The following KALRN variants were observed in gnomAD, a reference collection of about 807,000 sequenced individuals.
KALRN encodes the protein kalirin.
A neutral mutation model predicts 353.7 loss-of-function variants in KALRN; 70 were observed. That is an observed-to-expected ratio of 0.20 (90% CI 0.16 to 0.24). KALRN has a LOEUF of 0.24. KALRN is among the 10% of genes least tolerant of loss of function. KALRN has a pLI of 1.00. For synonymous variants in KALRN, 1,391 were observed against 1,434.8 expected, an observed-to-expected ratio of 0.97 and a Z score of 0.69; for missense variants, 2,791 against 3,756.7, an observed-to-expected ratio of 0.74 and a Z score of 6.72.
At position 124,264,561 on chromosome 3, in the gene KALRN, C is replaced by T. The variant is rs748748909; in HGVS notation, c.327C>T (p.Leu109=). ...IIDMRGSKWD[L]IKPLLKTLQE... ...ACATGCGGGGCTCCAAGTGGGACCT[C>T]ATCAAGCCCCTCCTCAAAACGCTGC... Residue 109 remains leucine, a synonymous_variant, in exon 4 of 60, where the codon CTC becomes CTT. Coordinates refer to ENST00000682506, the MANE Select transcript of KALRN (RefSeq NM_001388419.1). 11 of 1,614,054 alleles carry T rather than the reference C, an allele frequency of 6.8e-6. No homozygotes were observed. Among genetic ancestry groups the T allele is most frequent in the Non-Finnish European group, 8.5e-6 (10 of 1,180,012 alleles).
chr3:124,704,185 T>C (rs7636897), intron 57 of KALRN, among the ~76,000 whole-genome samples: 5,748 of 152,288 alleles, frequency 0.038, 148 homozygotes, highest in African/African-American at 0.069. Context: ...CTTTATTATA[T>C]TGAAATTTGT....
chr3:124,168,120 A>G (rs1226897608), intron 1 of KALRN, among the ~76,000 whole-genome samples: 1 of 152,240 alleles, frequency 6.6e-6, no homozygotes, highest in Non-Finnish European at 1.5e-5. Context: ...GTGGAGAGGT[A>G]CAAAACAACT....
chr3:124,580,490 T>A lies in KALRN; in HGVS notation c.5182+17401T>A, dbSNP rs138774370. Among the ~76,000 whole-genome samples the A allele has an allele frequency of 2.6e-4, 39 of 152,332 alleles. No individual in the cohort carries two copies. The East Asian group carries it at 3.7e-3, about 14-fold the overall frequency. On this transcript the variant is annotated intron_variant, in intron 34 of 59. Transcript: ENST00000682506. ...CTCCTGATTCTTATCAGCACCAATG[T>A]TTTAAAATCATATTCTCCACCATCC...
intron 51 of KALRN, among the ~76,000 whole-genome samples, chr3:124,680,947 C>G (rs1264031748): frequency 1.3e-5 from 2 of 152,192 alleles, no homozygotes; most frequent in Non-Finnish European, 2.9e-5. Flanking sequence ...CACCAGCTCT[C>G]CTGGAGTTCA....
intron 5 of KALRN, among the ~76,000 whole-genome samples, chr3:124,286,082 C>CCTTTCTTTCTTTCTTTCTTTCTTTCT (rs2075818015): frequency 1.1e-4 from 11 of 102,156 alleles, no homozygotes; most frequent in African/African-American, 3.8e-4. Flanking sequence ...TTCTTTCCTT[C>CCTTTCTTTCTTTCTTTCTTTCTTTCT]CTTTCTTTCT....
At chr3:124,375,427 C>T (rs1481004903) in intron 10 of KALRN, among the ~76,000 whole-genome samples, 1 of 152,198 alleles carries the variant, frequency 6.6e-6, no homozygotes, top group Non-Finnish European at 1.5e-5. Flanking sequence ...ATTCTAAGTG[C>T]TAGTCCTGGC....
Position 124,649,790 on chromosome 3 carries a change from AATAGATAGATAGATAG to A in KALRN, c.5665-986_5665-971del, listed in dbSNP as rs57296265. On this transcript the variant is annotated intron_variant, in intron 37 of 59. Coordinates refer to ENST00000682506, the MANE Select transcript of KALRN (RefSeq NM_001388419.1). ...GCAATAGAGTGAGACCCTGTCTCAAAATAGATAGATAGATAGATAGATAGATAGATAGATAGATAGA... is the reference window on the plus strand; with the variant it reads ...GCAATAGAGTGAGACCCTGTCTCAAAATAGATAGATAGATAGATAGATAGA... 1.1e-3 allele frequency among the ~76,000 whole-genome samples: 142 copies of A among 132,838 alleles called. 1 individual carries two copies. In the South Asian group the frequency reaches 0.03, roughly 28 times the overall value. 87.1% of individuals were successfully genotyped at this position (132,838 alleles called of 152,430 possible). A position where few individuals can be genotyped will look rare whatever the true frequency, so the allele number is the denominator to read the frequency against.
intron 34 of KALRN, among the ~76,000 whole-genome samples, chr3:124,588,631 G>T (rs1007488874): frequency 3.3e-5 from 5 of 151,932 alleles, no homozygotes; most frequent in Admixed American, 3.3e-4. Context: ...TCACCATTTT[G>T]TCTAGGCTGG....
chr3:124,458,041 C>T (rs992749588), intron 23 of KALRN, among the ~76,000 whole-genome samples: 2 of 151,976 alleles, frequency 1.3e-5, no homozygotes, highest in Admixed American at 6.6e-5. Context: ...TTTGGGAGGC[C>T]GAGGCGGTTG....
chr3:124,540,037 T>C (rs1449949522), intron 33 of KALRN, among the ~76,000 whole-genome samples: 1 of 151,922 alleles, frequency 6.6e-6, no homozygotes, highest in Non-Finnish European at 1.5e-5. Flanking sequence ...AGCCTCCCGA[T>C]TAGCTGGGAT....
chr3:124,671,648 C>CT lies in KALRN; in HGVS notation c.6704-10dup. 6.3e-7 allele frequency: 1 copy of CT among 1,594,962 alleles called. No individual in the cohort carries two copies. Among genetic ancestry groups the CT allele is most frequent in the Non-Finnish European group, 8.6e-7 (1 of 1,162,696 alleles). On this transcript the variant is annotated splice_polypyrimidine_tract_variant and intron_variant, in intron 47 of 59. Coordinates refer to ENST00000682506, the MANE Select transcript of KALRN (RefSeq NM_001388419.1). The stretch of plus-strand genomic sequence containing the variant: ...CCAAAGCTTAGAGTAACCACCTGCT[C>CT]TTATCCCACAGCACTGCAATCGCCC...
At chr3:124,565,146 A>C (rs986911) in intron 34 of KALRN, among the ~76,000 whole-genome samples, 55,776 of 152,088 alleles carry the variant, frequency 0.37, 10,703 homozygotes, top group East Asian at 0.49. Context: ...CAGCAGGCTG[A>C]ATTGTTTGTG....
chr3:124,061,066 G>A (rs1312120457), intron 1 of KALRN, among the ~76,000 whole-genome samples: 4 of 152,172 alleles, frequency 2.6e-5, no homozygotes, highest in Admixed American at 1.3e-4. Context: ...TGACGATAGG[G>A]CCTTAAATCC....
chr3:124,584,352 G>A (rs2149285804), intron 34 of KALRN, among the ~76,000 whole-genome samples: 1 of 152,300 alleles, frequency 6.6e-6, no homozygotes, highest in East Asian at 1.9e-4. Flanking sequence ...GCATCCTTGA[G>A]TCTTGGAGCA....
intron 4 of KALRN, among the ~76,000 whole-genome samples, chr3:124,268,154 C>T (rs1165849767): frequency 6.6e-6 from 1 of 152,204 alleles, no homozygotes; most frequent in Non-Finnish European, 1.5e-5. Flanking sequence ...CCAGTCCGCT[C>T]TCCAGGAGCT....
intron 28 of KALRN, among the ~76,000 whole-genome samples, chr3:124,487,840 T>G (rs892794258): frequency 3.3e-5 from 5 of 152,204 alleles, no homozygotes; most frequent in Non-Finnish European, 2.9e-5. Context: ...CTTCTCTTTA[T>G]TCTCTTTATT....
intron 1 of KALRN, among the ~76,000 whole-genome samples, chr3:124,085,855 C>T (rs903639367): frequency 6.6e-6 from 1 of 152,144 alleles, no homozygotes; most frequent in Non-Finnish European, 1.5e-5. Flanking sequence ...TATGTATATC[C>T]TACTAGAACT....
At chr3:124,661,318 C>T (rs927086652) in intron 44 of KALRN, among the ~76,000 whole-genome samples, 2 of 152,228 alleles carry the variant, frequency 1.3e-5, no homozygotes, top group Non-Finnish European at 2.9e-5. Context: ...TTCGTGAAGG[C>T]AAGTATTATT....
chr3:124,046,169 A>G (rs534351969), intron 1 of KALRN, among the ~76,000 whole-genome samples: 75 of 152,280 alleles, frequency 4.9e-4, no homozygotes, highest in Admixed American at 1.2e-3. Context: ...TTTTTCTTTC[A>G]GATCAAGGAA....
Sources: allele counts gnomAD v4.1 joint callset (sites outside exome capture counted in the v4.1 genomes callset), GRCh38; gene constraint gnomAD v4.1.1; transcripts MANE v1.5; gene names NCBI Gene and HGNC (gene_info 2026-07-23, HGNC 2026-07-21).